The following MINPP1 variants were observed in gnomAD, a reference collection of about 807,000 sequenced individuals.
The protein encoded by MINPP1 is multiple inositol-polyphosphate phosphatase 1, also known as multiple inositol polyphosphate phosphatase 1.
In MINPP1, 28 loss-of-function variants were observed where a neutral mutation model predicts 46.1. The observed-to-expected ratio is 0.61, with a 90% CI of 0.45 to 0.83. MINPP1 has a LOEUF of 0.83. Among genes scored for constraint, MINPP1 ranks in the 40% least tolerant of loss-of-function variants. The pLI, the probability that MINPP1 is intolerant of heterozygous loss-of-function variation, is 0.00. For missense variants in MINPP1, 603 were observed against 610.0 expected, an observed-to-expected ratio of 0.99 and a Z score of 0.12; for synonymous variants, 268 against 249.1, an observed-to-expected ratio of 1.08 and a Z score of -0.72.
intron 4 of MINPP1, among the ~76,000 whole-genome samples, chr10:87,543,009 G>A (rs530170344): frequency 1.3e-5 from 2 of 152,294 alleles, no homozygotes; most frequent in East Asian, 1.9e-4. Flanking sequence ...AATGCTGATA[G>A]CGATATGAAC....
chr10:87,518,313 A>T (rs1441093004), intron 3 of MINPP1, among the ~76,000 whole-genome samples: 2 of 151,252 alleles, frequency 1.3e-5, no homozygotes, highest in Non-Finnish European at 2.9e-5. Context: ...AATTTTTTAA[A>T]TCTCCAGTTG....
intron 4 of MINPP1, among the ~76,000 whole-genome samples, chr10:87,531,817 T>C (rs979151838): frequency 2.0e-5 from 3 of 152,190 alleles, no homozygotes; most frequent in East Asian, 1.9e-4. Flanking sequence ...ATGAATTTCA[T>C]GTCTAGACTT....
chr10:87,537,348 A>T (rs544431939), intron 4 of MINPP1, among the ~76,000 whole-genome samples: 173 of 152,106 alleles, frequency 1.1e-3, no homozygotes, highest in African/African-American at 3.9e-3. Flanking sequence ...AATTTTAACC[A>T]TTCTAATGGG....
In MINPP1 at chr10:87,540,015, C is replaced by T. The variant is rs148208095; in HGVS notation, c.1068-12067C>T. 1.8e-3 allele frequency among the ~76,000 whole-genome samples: 274 copies of T among 152,268 alleles called. 1 individual carries two copies. The highest frequency in any genetic ancestry group is 6.2e-3 in the African/African-American group (258 of 41,560). ...CCAAGTAGCTGGGACTACAGGCATG[C>T]GCCACAGCGCCTGGCTAATTTTGTG... is the stretch of plus-strand genomic sequence containing the variant. On this transcript the variant is annotated intron_variant, in intron 4 of 4. Coordinates refer to ENST00000371996, the MANE Select transcript of MINPP1 (RefSeq NM_004897.5).
chr10:87,544,070 T>C (rs1851854472), intron 4 of MINPP1, among the ~76,000 whole-genome samples: 1 of 152,218 alleles, frequency 6.6e-6, no homozygotes, highest in Non-Finnish European at 1.5e-5. Context: ...AGTTGAGGAC[T>C]CAATCCCCAA....
At chr10:87,552,017 G>A (rs1461216832) in intron 4 of MINPP1, 65 bp from the exon 5 acceptor site, 45 of 1,274,556 alleles carry the variant, frequency 3.5e-5, no homozygotes, top group Non-Finnish European at 4.5e-5. Context: ...TTACTCCTAA[G>A]TGTAAATACT....
At chr10:87,535,253 T>C in intron 4 of MINPP1, among the ~76,000 whole-genome samples, 1 of 152,230 alleles carries the variant, frequency 6.6e-6, no homozygotes, top group Non-Finnish European at 1.5e-5. Context: ...AATTTTGTCA[T>C]CTTTAAAATT....
At chr10:87,535,334 C>T (rs1225811326) in intron 4 of MINPP1, among the ~76,000 whole-genome samples, 3 of 152,106 alleles carry the variant, frequency 2.0e-5, no homozygotes, top group African/African-American at 7.2e-5. Context: ...GTCTGTGTAC[C>T]ACACAAATAC....
chr10:87,552,521 G>A lies in MINPP1; in HGVS notation c.*43G>A. 1 of 1,581,472 alleles carries A rather than the reference G, an allele frequency of 6.3e-7. No individual in the cohort carries two copies. Among genetic ancestry groups the A allele is most frequent in the Non-Finnish European group, 8.6e-7 (1 of 1,157,236 alleles). On this transcript the variant is annotated 3_prime_UTR_variant, in exon 5 of 5. Transcript: ENST00000371996. ...TTAATTCTTTAGGAATCTGCAATGA[G>A]TGATTACATGCTTGTAATAGGTAGG...
At chr10:87,520,722 G>A (rs1039037226) in intron 3 of MINPP1, among the ~76,000 whole-genome samples, 2 of 151,994 alleles carry the variant, frequency 1.3e-5, no homozygotes, top group African/African-American at 4.8e-5. Context: ...TTAGAAGAAA[G>A]GAGAGGTGAG....
At chr10:87,506,054 A>G (rs1851245142) in intron 1 of MINPP1, among the ~76,000 whole-genome samples, 2 of 149,546 alleles carry the variant, frequency 1.3e-5, no homozygotes, top group African/African-American at 4.9e-5. Flanking sequence ...CATCTTTTTC[A>G]GATGACAGTT....
At chr10:87,542,653 G>A (rs905051664) in intron 4 of MINPP1, among the ~76,000 whole-genome samples, 4 of 152,108 alleles carry the variant, frequency 2.6e-5, no homozygotes, top group Non-Finnish European at 5.9e-5. Context: ...TGTGAAACCT[G>A]CTTCCCCCTT....
At chr10:87,536,651 A>T (rs896246991) in intron 4 of MINPP1, among the ~76,000 whole-genome samples, 5 of 152,186 alleles carry the variant, frequency 3.3e-5, no homozygotes, top group Non-Finnish European at 7.3e-5. Flanking sequence ...TAATGGAATC[A>T]TAGTGAATTT....
intron 4 of MINPP1, among the ~76,000 whole-genome samples, chr10:87,536,998 A>C (rs1851745192): frequency 6.6e-6 from 1 of 151,946 alleles, no homozygotes; most frequent in Non-Finnish European, 1.5e-5. Flanking sequence ...GTGCAGCGGC[A>C]CGATCTTGGC....
At chr10:87,529,359 T>C (rs1851624112) in intron 4 of MINPP1, among the ~76,000 whole-genome samples, 1 of 152,202 alleles carries the variant, frequency 6.6e-6, no homozygotes, top group Non-Finnish European at 1.5e-5. Flanking sequence ...GTTGTTCCTT[T>C]CCATGTTTAG....
chr10:87,543,332 G>T (rs966070147), intron 4 of MINPP1, among the ~76,000 whole-genome samples: 3 of 152,150 alleles, frequency 2.0e-5, no homozygotes, highest in Non-Finnish European at 4.4e-5. Context: ...AAGAATCCTA[G>T]CAGGCTGTGG....
intron 4 of MINPP1, among the ~76,000 whole-genome samples, chr10:87,541,823 A>C (rs1264642255): frequency 2.0e-5 from 3 of 152,178 alleles, no homozygotes; most frequent in Non-Finnish European, 4.4e-5. Flanking sequence ...ACTGAGCAAG[A>C]ACTGACTTGT....
chr10:87,529,465 T>C (rs1851625653), intron 4 of MINPP1, among the ~76,000 whole-genome samples: 1 of 152,202 alleles, frequency 6.6e-6, no homozygotes, highest in South Asian at 2.1e-4. Flanking sequence ...CCTTCACTTA[T>C]GAAGCTTAGT....
At chr10:87,539,980 C>T (rs1851790691) in intron 4 of MINPP1, among the ~76,000 whole-genome samples, 1 of 152,228 alleles carries the variant, frequency 6.6e-6, no homozygotes. Flanking sequence ...GATCCTCATA[C>T]CTCAGCCTCC....
Sources: allele counts gnomAD v4.1 joint callset (sites outside exome capture counted in the v4.1 genomes callset), GRCh38; gene constraint gnomAD v4.1.1; transcripts MANE v1.5; gene names NCBI Gene and HGNC (gene_info 2026-07-23, HGNC 2026-07-21).